The following NAT8L variants were observed in gnomAD, a reference collection of about 807,000 sequenced individuals.
The protein encoded by NAT8L is aspartate N-acetyltransferase.
In NAT8L, 6 loss-of-function variants were observed where a neutral mutation model predicts 21.2. The ratio of observed to expected loss-of-function variants is 0.28; its 90% CI spans 0.16 to 0.56. The LOEUF (loss-of-function observed/expected upper bound fraction) is 0.56. Ranked by LOEUF, NAT8L falls within the 20% of genes least tolerant of loss-of-function variation. The probability of loss-of-function intolerance (pLI) is 0.93; values close to 1 mark genes in which losing one functional copy is unlikely to be tolerated. For synonymous variants in NAT8L, 239 were observed against 204.9 expected (o/e 1.17, Z -1.42); for missense variants, 331 against 433.3 (o/e 0.76, Z 2.10).
At chr4:2,062,931 T>A (rs1577667467) in intron 2 of NAT8L, among the ~76,000 whole-genome samples, 1 of 152,200 alleles carries the variant, frequency 6.6e-6, no homozygotes, top group Non-Finnish European at 1.5e-5. Flanking sequence ...GCTTCCCCTG[T>A]GGCCAGTGCC....
At position 2,061,074 on chromosome 4, in the gene NAT8L, C is replaced by T. The variant is rs1423019523; in HGVS notation, c.453C>T (p.Tyr151=). 2 of 1,608,850 alleles carry T rather than the reference C, an allele frequency of 1.2e-6. No individual in the cohort carries two copies. Among genetic ancestry groups the T allele is most frequent in the South Asian group, 1.1e-5 (1 of 90,606 alleles). ...CCGCGCTGCTGGGCCTGCGCTACTA[C>T]TACAGCCGCAAGGTGATCCGCGCCT... ...VPAALLGLRY[Y]YSRKVIRAYL... The change falls in exon 2 of 3, where the codon TAC becomes TAT. Residue 151 remains tyrosine (Y), a synonymous_variant. Coordinates refer to ENST00000423729, the MANE Select transcript of NAT8L (RefSeq NM_178557.4).
intron 2 of NAT8L, 85 bp downstream of exon 2, chr4:2,061,247 G>A: frequency 1.3e-6 from 2 of 1,566,780 alleles, no homozygotes; most frequent in East Asian, 2.4e-5. Flanking sequence ...GGCAGGCCTG[G>A]GCGAGGGCCG....
In NAT8L at chr4:2,067,779, C is replaced by G. The variant is rs1392593985; in HGVS notation, c.*3652C>G. On this transcript the variant is annotated 3_prime_UTR_variant, in exon 3 of 3. Coordinates refer to ENST00000423729, the MANE Select transcript of NAT8L (RefSeq NM_178557.4). ...CTGCGCCAAGGGAGCCCACTGCCAT[C>G]CCCCGTGGGCTGGCGCTGCAGTCGC... 6.6e-6 allele frequency: 1 copy of G among 152,288 alleles called. No individual in the cohort carries two copies. Among genetic ancestry groups the G allele is most frequent in the Admixed American group, 6.5e-5 (1 of 15,290 alleles). 9.4% of individuals were successfully genotyped at this position (152,288 alleles called of 1,614,324 possible). A position where few individuals can be genotyped will look rare whatever the true frequency, so the allele number is the denominator to read the frequency against.
intron 2 of NAT8L, 70 bp from the exon 3 acceptor site, chr4:2,063,690 T>C: frequency 6.3e-7 from 1 of 1,599,086 alleles, no homozygotes; most frequent in Non-Finnish European, 8.5e-7. Flanking sequence ...GGGCCCTGTC[T>C]CACCCCAGAG....
At position 2,064,022 on chromosome 4, in the gene NAT8L, C is replaced by T. The variant is rs368541592; in HGVS notation, c.804C>T (p.Gly268=). The T allele has an allele frequency of 3.5e-5, 56 of 1,611,446 alleles. No individual in the cohort carries two copies. Among genetic ancestry groups the T allele is most frequent in the African/African-American group, 1.7e-4 (13 of 74,910 alleles). The change falls in exon 3 of 3, where the codon GGC becomes GGT. Residue 268 remains glycine (G), a synonymous_variant. Coordinates refer to ENST00000423729, the MANE Select transcript of NAT8L (RefSeq NM_178557.4). ...AGTCGCTGGGCTTCAGACACATGGGCGCCAGTGACCACTACGTGCTGCCGG... is the reference window on the plus strand; with the variant it reads ...AGTCGCTGGGCTTCAGACACATGGGTGCCAGTGACCACTACGTGCTGCCGG... The part of the protein sequence containing the change: ...LYESLGFRHM[G]ASDHYVLPGM...
chr4:2,068,653 CTGTG>C lies in NAT8L; in HGVS notation c.*4532_*4535del, dbSNP rs1270957457. On this transcript the variant is annotated 3_prime_UTR_variant, in exon 3 of 3. Transcript: ENST00000423729. ...CATGAGCATGCATGCGTGCGAGTGCCTGTGTGTGTACTTGCATATATGTGGCTGT... is the reference window on the plus strand; with the variant it reads ...CATGAGCATGCATGCGTGCGAGTGCCTGTGTACTTGCATATATGTGGCTGT... 2.0e-5 allele frequency: 3 copies of C among 152,248 alleles called. No individual in the cohort carries two copies. The highest frequency in any genetic ancestry group is 2.9e-5 in the Non-Finnish European group (2 of 68,060). 9.4% of individuals were successfully genotyped at this position (152,248 alleles called of 1,614,324 possible).
In NAT8L at chr4:2,063,661, C is replaced by T; in HGVS notation, c.542-99C>T. ...CCCACTGCCCTGGCTTGGTGTCCAG[C>T]TGGAGGGGGCAGTGCCAAGGGCCCT... On this transcript the variant is annotated intron_variant, in intron 2 of 2. Coordinates refer to ENST00000423729, the MANE Select transcript of NAT8L (RefSeq NM_178557.4). The T allele has an allele frequency of 3.8e-6, 6 of 1,590,370 alleles. No homozygotes were observed. In the South Asian group the frequency reaches 5.5e-5, roughly 15 times the overall value.
Position 2,064,008 on chromosome 4 carries a change from T to A in NAT8L, c.790T>A (p.Phe264Ile). The A allele has an allele frequency of 6.2e-7, 1 of 1,611,856 alleles. No homozygotes were observed. The highest frequency in any genetic ancestry group is 8.5e-7 in the Non-Finnish European group (1 of 1,179,574). ...CCACAAGCTCTACGAGTCGCTGGGCTTCAGACACATGGGCGCCAGTGACCA... is the reference window on the plus strand; with the variant it reads ...CCACAAGCTCTACGAGTCGCTGGGCATCAGACACATGGGCGCCAGTGACCA... ...AAHKLYESLGFRHMGASDHYV... is the reference protein window; with the variant it reads ...AAHKLYESLGIRHMGASDHYV... Residue 264 changes from phenylalanine (F) to isoleucine (I), a missense_variant, in exon 3 of 3, where the codon TTC becomes ATC. Physicochemically the swap from Phe to Ile is conservative, Grantham distance 21. Coordinates refer to ENST00000423729, the MANE Select transcript of NAT8L (RefSeq NM_178557.4).
In NAT8L at chr4:2,063,822, C is replaced by G. The variant is rs780033030; in HGVS notation, c.604C>G (p.His202Asp). 1.9e-6 allele frequency: 3 copies of G among 1,612,264 alleles called. No individual in the cohort carries two copies. The highest frequency in any genetic ancestry group is 2.5e-6 in the Non-Finnish European group (3 of 1,179,980). The change falls in exon 3 of 3, where the codon CAC becomes GAC. Residue 202 changes from histidine (H) to aspartate (D), a missense_variant. Coordinates refer to ENST00000423729, the MANE Select transcript of NAT8L (RefSeq NM_178557.4). ...GGTGGGCATTGTGGCTGCACGGGCC[C>G]ACGAGGAGGACAACACGGTGGAGCT... The part of the protein sequence containing the change: ...NVVGIVAARA[H>D]EEDNTVELLR...
intron 2 of NAT8L, among the ~76,000 whole-genome samples, chr4:2,062,583 C>T (rs1483430774): frequency 2.0e-5 from 3 of 152,026 alleles, no homozygotes; most frequent in East Asian, 1.9e-4. Flanking sequence ...CCCAGCTGCT[C>T]GTGTCTGTGG....
rs1440871384 is a variant in NAT8L at position 2,064,903 on chromosome 4, C to T, written c.*776C>T. Reference sequence around the variant, plus strand: ...GCCAGGGTGGGGGTCCATGGGACCCCTCTCCCCAGTGCCCACTGGATCGTG... The same window carrying T: ...GCCAGGGTGGGGGTCCATGGGACCCTTCTCCCCAGTGCCCACTGGATCGTG... On this transcript the variant is annotated 3_prime_UTR_variant, in exon 3 of 3. Coordinates refer to ENST00000423729, the MANE Select transcript of NAT8L (RefSeq NM_178557.4). The T allele has an allele frequency of 6.6e-6, 1 of 152,464 alleles. No homozygotes were observed. Among genetic ancestry groups the T allele is most frequent in the Non-Finnish European group, 1.5e-5 (1 of 68,104 alleles). The allele number at this position is 152,464 out of a possible 1,614,324, so 9.4% of individuals were successfully genotyped here. A position where few individuals can be genotyped will look rare whatever the true frequency, so the allele number is the denominator to read the frequency against.
Position 2,061,042 on chromosome 4 carries a change from G to A in NAT8L, c.421G>A (p.Val141Met), listed in dbSNP as rs1353037917. 1.3e-6 allele frequency: 2 copies of A among 1,589,168 alleles called. No homozygotes were observed. Among genetic ancestry groups the A allele is most frequent in the Non-Finnish European group, 1.7e-6 (2 of 1,169,342 alleles). The change falls in exon 2 of 3, where the codon GTG (valine) becomes ATG (methionine). Residue 141 changes from valine to methionine, a missense_variant. Transcript: ENST00000423729. ...VSRSLLLTCL[V>M]PAALLGLRYY... ...CCGCTCGCTGCTGCTGACGTGCCTG[G>A]TGCCGGCCGCGCTGCTGGGCCTGCG...
Position 2,059,740 on chromosome 4 carries a change from G to T in NAT8L, c.229G>T (p.Gly77Cys). The change falls in exon 1 of 3, where the codon GGC becomes TGC. Residue 77 changes from glycine to cysteine, a missense_variant. Gly to Cys is a radical substitution (Grantham distance 159). Transcript: ENST00000423729. The surrounding 1 kb of genome is among the most constrained non-coding windows in gnomAD (Gnocchi z 4.8). ...GGGCGCGGGGCCGCCGGGGGGGCGC[G>T]GCGTGTGCATCCGCGAGTTCCGTGC... Reference protein sequence around the residue: ...AGGAGPPGGRGVCIREFRAAE... With the variant: ...AGGAGPPGGRCVCIREFRAAE... 1 of 1,218,738 alleles carries T rather than the reference G, an allele frequency of 8.2e-7. No individual in the cohort carries two copies. The highest frequency in any genetic ancestry group is 1.0e-6 in the Non-Finnish European group (1 of 972,322). 75.5% of individuals were successfully genotyped at this position (1,218,738 alleles called of 1,614,324 possible).
In NAT8L at chr4:2,068,868, CAG is replaced by C. The variant is rs966152925; in HGVS notation, c.*4742_*4743del. The C allele has an allele frequency of 1.6e-4, 25 of 152,466 alleles. No homozygotes were observed. Among genetic ancestry groups the C allele is most frequent in the African/African-American group, 6.0e-4 (25 of 41,538 alleles). The allele number at this position is 152,466 out of a possible 1,614,324, so 9.4% of individuals were successfully genotyped here. On this transcript the variant is annotated 3_prime_UTR_variant, in exon 3 of 3. Coordinates refer to ENST00000423729, the MANE Select transcript of NAT8L (RefSeq NM_178557.4). The stretch of plus-strand genomic sequence containing the variant: ...CCGGGGAGGCCAGGCTTGGGGAGCA[CAG>C]GGGGTGGGGTTCACCTGCTGCTGTT...
chr4:2,063,560 C>T (rs987750730), intron 2 of NAT8L, among the ~76,000 whole-genome samples, 200 bp from the exon 3 acceptor site: 1 of 152,200 alleles, frequency 6.6e-6, no homozygotes, highest in Non-Finnish European at 1.5e-5. Context: ...CCTGCTTGTC[C>T]TGAATAGTGG....
In NAT8L at chr4:2,060,474, C is replaced by G. The variant is rs1729832226; in HGVS notation, c.377-524C>G. On this transcript the variant is annotated intron_variant, in intron 1 of 2. Coordinates refer to ENST00000423729, the MANE Select transcript of NAT8L (RefSeq NM_178557.4). This position sits in a 1 kb window ranked among gnomAD's most constrained non-coding sequence, Gnocchi z 4.7. ...GGACGCGACTCCCCCAAGGTCACGGCAGCCGAAATGCGGCTGGAAGCGGTG... is the reference window on the plus strand; with the variant it reads ...GGACGCGACTCCCCCAAGGTCACGGGAGCCGAAATGCGGCTGGAAGCGGTG... Among the ~76,000 whole-genome samples, 2 of 152,216 alleles carry G rather than the reference C, an allele frequency of 1.3e-5. No individual in the cohort carries two copies.
chr4:2,061,272 G>C, intron 2 of NAT8L, 110 bp downstream of exon 2: 3 of 1,527,380 alleles, frequency 2.0e-6, no homozygotes, highest in Non-Finnish European at 2.6e-6. Context: ...GGGTGGGCCT[G>C]AGCCGGGGCC....
Position 2,068,103 on chromosome 4 carries a change from T to TGTGTGC in NAT8L, c.*3977_*3982dup, listed in dbSNP as rs1730040850. On this transcript the variant is annotated 3_prime_UTR_variant, in exon 3 of 3. Coordinates refer to ENST00000423729, the MANE Select transcript of NAT8L (RefSeq NM_178557.4). Reference sequence around the variant, plus strand: ...ATTTTAAAGGAGGGATGTACCTGTGTGTGTGCATGTGCACGTGTTTGAGCG... The same window carrying TGTGTGC: ...ATTTTAAAGGAGGGATGTACCTGTGTGTGTGCGTGTGCATGTGCACGTGTTTGAGCG... The TGTGTGC allele has an allele frequency of 3.7e-5, 5 of 136,496 alleles. No individual in the cohort carries two copies. The highest frequency in any genetic ancestry group is 3.1e-4 in the Admixed American group (4 of 12,770). 8.5% of individuals were successfully genotyped at this position (136,496 alleles called of 1,614,324 possible).
At position 2,060,463 on chromosome 4, in the gene NAT8L, C is replaced by T. The variant is rs971990812; in HGVS notation, c.377-535C>T. ...CCGCGTAGGGAGGACGCGACTCCCC[C>T]AAGGTCACGGCAGCCGAAATGCGGC... On this transcript the variant is annotated intron_variant, in intron 1 of 2. Transcript: ENST00000423729. This position sits in a 1 kb window ranked among gnomAD's most constrained non-coding sequence, Gnocchi z 4.7. Among the ~76,000 whole-genome samples, 2 of 152,206 alleles carry T rather than the reference C, an allele frequency of 1.3e-5. No individual in the cohort carries two copies. Among genetic ancestry groups the T allele is most frequent in the African/African-American group, 4.8e-5 (2 of 41,464 alleles).
Sources: gnomAD v4.1 joint callset for allele counts (sites outside exome capture counted in the v4.1 genomes callset) on GRCh38, gnomAD v4.1.1 for gene constraint, Gnocchi (gnomAD v3.1) non-coding constraint, MANE v1.5 for transcripts, NCBI Gene and HGNC (gene_info 2026-07-23, HGNC 2026-07-21) for gene names.